Variants in CPQ observed in about 807,000 individuals in gnomAD.
CPQ encodes Ser-Met dipeptidase.
A neutral mutation model predicts 45.7 loss-of-function variants in CPQ; 37 were observed. The ratio of observed to expected loss-of-function variants is 0.81; its 90% CI spans 0.62 to 1.07. CPQ has a LOEUF of 1.07. CPQ is among the 50% of genes least tolerant of loss of function. CPQ has a pLI of 0.00. For synonymous variants in CPQ, 186 were observed against 205.8 expected, an observed-to-expected ratio of 0.90 and a Z score of 0.82; for missense variants, 537 against 572.9, an observed-to-expected ratio of 0.94 and a Z score of 0.64.
At chr8:96,750,341 A>T (rs966692260) in intron 1 of CPQ, among the ~76,000 whole-genome samples, 4 of 152,016 alleles carry the variant, frequency 2.6e-5, no homozygotes, top group Admixed American at 2.6e-4. Flanking sequence ...ATTTTGAAAA[A>T]GTTATTTCTT....
chr8:96,964,303 AGGT>A, intron 4 of CPQ, among the ~76,000 whole-genome samples: 1 of 151,870 alleles, frequency 6.6e-6, no homozygotes, highest in East Asian at 1.9e-4. Flanking sequence ...CAGTTTTTCC[AGGT>A]GGTTGAATGT....
intron 6 of CPQ, among the ~76,000 whole-genome samples, chr8:97,047,900 G>A (rs1810287768): frequency 6.6e-6 from 1 of 152,134 alleles, no homozygotes; most frequent in Admixed American, 6.6e-5. Context: ...AAATAAAAGT[G>A]AGAATAGAAC....
At chr8:96,844,033 T>C (rs1397303826) in intron 3 of CPQ, among the ~76,000 whole-genome samples, 2 of 152,346 alleles carry the variant, frequency 1.3e-5, no homozygotes, top group Non-Finnish European at 2.9e-5. Flanking sequence ...ACGTTAACCT[T>C]CTGTTTTTCA....
chr8:97,085,331 C>G (rs1355471545), intron 7 of CPQ, among the ~76,000 whole-genome samples: 1 of 151,970 alleles, frequency 6.6e-6, no homozygotes, highest in African/African-American at 2.4e-5. Context: ...CTACAGTGAG[C>G]CATGATCATG....
intron 1 of CPQ, among the ~76,000 whole-genome samples, chr8:96,665,645 G>T (rs1389126264): frequency 6.6e-6 from 1 of 152,210 alleles, no homozygotes; most frequent in Non-Finnish European, 1.5e-5. Flanking sequence ...TTCATAATTA[G>T]TAAGTTCATA....
chr8:96,693,665 A>C (rs914302535), intron 1 of CPQ, among the ~76,000 whole-genome samples: 1 of 152,188 alleles, frequency 6.6e-6, no homozygotes, highest in Non-Finnish European at 1.5e-5. Flanking sequence ...ACCAAAAAAA[A>C]GGCTGAGGGA....
intron 6 of CPQ, among the ~76,000 whole-genome samples, chr8:97,046,502 C>T (rs1181168817): frequency 2.0e-5 from 3 of 152,182 alleles, no homozygotes; most frequent in African/African-American, 7.2e-5. Context: ...GGGAGCTTAA[C>T]AAGGCCTTTC....
At chr8:97,016,607 GAAAATA>G (rs1809584419) in intron 5 of CPQ, among the ~76,000 whole-genome samples, 1 of 152,138 alleles carries the variant, frequency 6.6e-6, no homozygotes, top group Non-Finnish European at 1.5e-5. Context: ...GGCTGAAAAT[GAAAATA>G]GAGTTATGCA....
chr8:96,732,015 G>C (rs957159040), intron 1 of CPQ, among the ~76,000 whole-genome samples: 8 of 150,802 alleles, frequency 5.3e-5, no homozygotes, highest in African/African-American at 2.0e-4. Context: ...TGAAATGGTT[G>C]TAAGTGTTCA....
At chr8:97,135,014 G>A (rs774603671) in intron 7 of CPQ, among the ~76,000 whole-genome samples, 5 of 152,162 alleles carry the variant, frequency 3.3e-5, no homozygotes, top group African/African-American at 4.8e-5. Flanking sequence ...ACCTTACAGA[G>A]ATGACTCATT....
chr8:97,129,039 A>G (rs1038208584), intron 7 of CPQ, among the ~76,000 whole-genome samples: 1 of 152,234 alleles, frequency 6.6e-6, no homozygotes, highest in Admixed American at 6.5e-5. Flanking sequence ...CTAAACCAGC[A>G]GAGTGGTTAG....
intron 5 of CPQ, among the ~76,000 whole-genome samples, chr8:97,001,721 C>CTTTTT (rs61282246): frequency 2.5e-3 from 227 of 92,072 alleles, no homozygotes; most frequent in Non-Finnish European, 2.8e-3. Context: ...TTCTTTCTTT[C>CTTTTT]TTTTTTTTTT....
intron 1 of CPQ, among the ~76,000 whole-genome samples, chr8:96,784,335 C>A (rs1586399251): frequency 6.6e-6 from 1 of 150,480 alleles, no homozygotes; most frequent in East Asian, 1.9e-4. Flanking sequence ...CCAATAAATA[C>A]CTTTTGAACA....
At chr8:96,657,701 C>T (rs1457053194) in intron 1 of CPQ, among the ~76,000 whole-genome samples, 1 of 152,112 alleles carries the variant, frequency 6.6e-6, no homozygotes, top group Non-Finnish European at 1.5e-5. Flanking sequence ...ACAACAAAAC[C>T]CAAAAGCCTT....
At chr8:96,677,720 C>T (rs968322613) in intron 1 of CPQ, among the ~76,000 whole-genome samples, 1 of 151,772 alleles carries the variant, frequency 6.6e-6, no homozygotes, top group Non-Finnish European at 1.5e-5. Flanking sequence ...TTTGCTTTTG[C>T]AGTCTTATTC....
intron 1 of CPQ, among the ~76,000 whole-genome samples, chr8:96,665,956 C>T (rs189709222): frequency 2.0e-5 from 3 of 152,252 alleles, no homozygotes; most frequent in Admixed American, 1.3e-4. Flanking sequence ...ATTTGTTACT[C>T]ATATCTCCTA....
chr8:96,769,522 A>AAAGGAC (rs1810512440), intron 1 of CPQ, among the ~76,000 whole-genome samples: 1 of 152,156 alleles, frequency 6.6e-6, no homozygotes, highest in African/African-American at 2.4e-5. Flanking sequence ...TCAGCTAACA[A>AAAGGAC]AAGGACCAAG....
At chr8:97,042,059 G>A (rs1287985728) in intron 6 of CPQ, among the ~76,000 whole-genome samples, 198 of 152,074 alleles carry the variant, frequency 1.3e-3, no homozygotes, top group African/African-American at 4.5e-3. Flanking sequence ...CAGAAGGAAT[G>A]GTACCAGTTC....
chr8:97,065,555 T>C (rs1177113594), intron 6 of CPQ, among the ~76,000 whole-genome samples: 2 of 152,110 alleles, frequency 1.3e-5, no homozygotes, highest in East Asian at 1.9e-4. Flanking sequence ...TAAGATAAGA[T>C]AGAATATCCA....
Sources: gnomAD v4.1 joint callset for allele counts (sites outside exome capture counted in the v4.1 genomes callset) on GRCh38, gnomAD v4.1.1 for gene constraint, MANE v1.5 for transcripts, NCBI Gene and HGNC (gene_info 2026-07-23, HGNC 2026-07-21) for gene names.